ANKFN1: variants seen among roughly 807,000 people sequenced by gnomAD.
The protein encoded by ANKFN1 is ankyrin repeat and fibronectin type III domain containing 1, also known as ankyrin repeat and fibronectin type-III domain-containing protein 1.
Under a neutral mutation model 108.7 loss-of-function variants are expected in ANKFN1, and 74 were observed. The ratio of observed to expected loss-of-function variants is 0.68; its 90% CI spans 0.56 to 0.83. The LOEUF is 0.83. Ranked by LOEUF, ANKFN1 falls within the 40% of genes least tolerant of loss-of-function variation. The probability of loss-of-function intolerance (pLI) is 0.00; values close to 1 mark genes in which losing one functional copy is unlikely to be tolerated. For synonymous variants in ANKFN1, 547 were observed against 516.2 expected (o/e 1.06, Z -0.81); for missense variants, 1,505 against 1,382.3 (o/e 1.09, Z -1.41).
rs187795653 is a variant in ANKFN1, at chr17:56,311,246, A to G, written c.54-14975A>G. On this transcript the variant is annotated intron_variant, in intron 3 of 20. Transcript: ENST00000682825. Reference sequence around the variant, plus strand: ...GTGAAGGTGATTCTTTTTATAAAGTATTGGCTCTGCCACCTACTAGCCATG... The same window carrying G: ...GTGAAGGTGATTCTTTTTATAAAGTGTTGGCTCTGCCACCTACTAGCCATG... 2.6e-4 allele frequency among the ~76,000 whole-genome samples: 40 copies of G among 152,194 alleles called. No homozygotes were observed. In the East Asian group the frequency reaches 7.0e-3, roughly 26 times the overall value.
intron 1 of ANKFN1, among the ~76,000 whole-genome samples, chr17:56,167,367 G>A (rs1910254079): frequency 6.9e-6 from 1 of 145,156 alleles, no homozygotes; most frequent in South Asian, 2.2e-4. Context: ...TGGCTCAAAT[G>A]TTGAAAATGT....
intron 8 of ANKFN1, among the ~76,000 whole-genome samples, chr17:56,384,920 A>G (rs1224417906): frequency 6.6e-6 from 1 of 151,760 alleles, no homozygotes; most frequent in Non-Finnish European, 1.5e-5. Context: ...ATTCAATGCC[A>G]TCCCCATCAA....
intron 3 of ANKFN1, among the ~76,000 whole-genome samples, chr17:56,285,801 T>C (rs2144272721): frequency 6.6e-6 from 1 of 151,934 alleles, no homozygotes; most frequent in South Asian, 2.1e-4. Flanking sequence ...TCTTCCTTGA[T>C]TTCCCCCTCC....
At chr17:56,475,208 C>T (rs2050459193) in intron 15 of ANKFN1, among the ~76,000 whole-genome samples, 1 of 152,174 alleles carries the variant, frequency 6.6e-6, no homozygotes, top group South Asian at 2.1e-4. Context: ...TATAAGTACT[C>T]CTTCTGCTGT....
In ANKFN1 at chr17:56,392,972, T is replaced by G. The variant is rs191353291; in HGVS notation, c.910+18258T>G. On this transcript the variant is annotated intron_variant, in intron 8 of 20. Transcript: ENST00000682825. ...TCCGAGAGCACCCAGGAAGTCTGAA[T>G]AGCAGCTCTTCTAATATTTGAAAAT... 1.2e-4 allele frequency among the ~76,000 whole-genome samples: 19 copies of G among 152,342 alleles called. No individual in the cohort carries two copies. The East Asian group carries it at 1.7e-3, about 14-fold the overall frequency.
At chr17:56,236,616 C>T (rs1286422566) in intron 3 of ANKFN1, among the ~76,000 whole-genome samples, 2 of 152,074 alleles carry the variant, frequency 1.3e-5, no homozygotes, top group African/African-American at 2.4e-5. Context: ...TTTCTAGATA[C>T]GGAATCAGGT....
At chr17:56,482,816 C>T (rs536125265) in intron 18 of ANKFN1, among the ~76,000 whole-genome samples, 8 of 152,204 alleles carry the variant, frequency 5.3e-5, no homozygotes, top group Admixed American at 3.9e-4. Context: ...TTTCTTAAAA[C>T]GTAAATATAA....
At chr17:56,240,581 C>T (rs1917507157) in intron 3 of ANKFN1, among the ~76,000 whole-genome samples, 1 of 152,092 alleles carries the variant, frequency 6.6e-6, no homozygotes, top group African/African-American at 2.4e-5. Context: ...AGGTATATAT[C>T]TCATTAATAT....
intron 1 of ANKFN1, among the ~76,000 whole-genome samples, chr17:56,198,462 T>C (rs560842923): frequency 6.6e-6 from 1 of 152,214 alleles, no homozygotes; most frequent in Admixed American, 6.5e-5. Flanking sequence ...TATAAATAGA[T>C]GAAGCTTTGC....
In ANKFN1 at chr17:56,055,566, C is replaced by CATACATATAT. The variant is rs1555588763; in HGVS notation, c.288+9244_288+9245insCATATATATA. Among the ~76,000 whole-genome samples, 8 of 47,460 alleles carry CATACATATAT rather than the reference C, an allele frequency of 1.7e-4. 1 individual carries two copies. In the East Asian group the frequency reaches 1.9e-3, roughly 11 times the overall value. The allele number at this position is 47,460 out of a possible 152,430, so 31.1% of individuals were successfully genotyped here. A position where few individuals can be genotyped will look rare whatever the true frequency, so the allele number is the denominator to read the frequency against. On this transcript the variant is annotated intron_variant, in intron 4 of 12. Transcript: ENST00000635860. ...TATATGTGTGTGTGTGGTATATATA[C>CATACATATAT]ATATATATATATATATATATATGTA... is the stretch of plus-strand genomic sequence containing the variant.
In ANKFN1 at chr17:56,193,521, G is replaced by A. The variant is rs1358163602; in HGVS notation, c.-70-19077G>A. 5.6e-5 allele frequency among the ~76,000 whole-genome samples: 8 copies of A among 141,868 alleles called. No individual in the cohort carries two copies. The South Asian group carries it at 6.7e-4, about 12-fold the overall frequency. The allele number at this position is 141,868 out of a possible 152,430, so 93.1% of individuals were successfully genotyped here. ...TAAAAGTGCATAATTTATTTGTAGC[G>A]TTTTAAAAAAAAATACAGCTAGTAT... On this transcript the variant is annotated intron_variant, in intron 1 of 20. Coordinates refer to ENST00000682825, the MANE Select transcript of ANKFN1 (RefSeq NM_001370326.1).
Position 56,113,011 on chromosome 17 carries a change from A to G in ANKFN1, c.288+66686A>G, listed in dbSNP as rs528100885. On this transcript the variant is annotated intron_variant, in intron 4 of 12. Coordinates refer to the ANKFN1 transcript ENST00000635860. ...GAATTTCCCAAAGAGCAATTAACTG[A>G]GCTAAATCGTATATGCAACTTAAAC... Among the ~76,000 whole-genome samples the G allele has an allele frequency of 6.6e-5, 10 of 152,348 alleles. No individual in the cohort carries two copies. The East Asian group carries it at 1.9e-3, about 29-fold the overall frequency.
intron 3 of ANKFN1, among the ~76,000 whole-genome samples, chr17:56,279,801 T>C (rs2044024500): frequency 6.6e-6 from 1 of 152,156 alleles, no homozygotes; most frequent in Non-Finnish European, 1.5e-5. Context: ...TGAATCTGTT[T>C]GTAAGTTTTG....
intron 8 of ANKFN1, among the ~76,000 whole-genome samples, chr17:56,403,916 T>C (rs975958963): frequency 6.6e-6 from 1 of 152,118 alleles, no homozygotes; most frequent in African/African-American, 2.4e-5. Context: ...CTTTCCTTCA[T>C]ATATGATGCT....
chr17:56,188,099 A>G (rs1251435425), intron 1 of ANKFN1, among the ~76,000 whole-genome samples: 1 of 152,132 alleles, frequency 6.6e-6, no homozygotes, highest in African/African-American at 2.4e-5. Context: ...ATAAATAAAT[A>G]AATAAATAAA....
chr17:56,205,022 GC>G (rs1914412216), intron 1 of ANKFN1, among the ~76,000 whole-genome samples: 1 of 152,190 alleles, frequency 6.6e-6, no homozygotes, highest in Non-Finnish European at 1.5e-5. Context: ...CTAGCAGTGA[GC>G]CAAGACTGCA....
At chr17:56,287,810 T>C (rs1250502693) in intron 3 of ANKFN1, among the ~76,000 whole-genome samples, 1 of 152,186 alleles carries the variant, frequency 6.6e-6, no homozygotes, top group African/African-American at 2.4e-5. Context: ...AGGCCAATAT[T>C]AAATCTCCAG....
intron 14 of ANKFN1, among the ~76,000 whole-genome samples, chr17:56,461,431 C>T (rs924152130): frequency 1.7e-4 from 26 of 152,240 alleles, no homozygotes; most frequent in Non-Finnish European, 7.4e-5. Context: ...CACACTGTTC[C>T]GATTTTCTTC....
intron 4 of ANKFN1, among the ~76,000 whole-genome samples, chr17:56,144,051 CTTATCACA>C (rs1321183446): frequency 2.7e-5 from 4 of 149,632 alleles, no homozygotes; most frequent in African/African-American, 7.4e-5. Flanking sequence ...GATTTTTATC[CTTATCACA>C]AGAGCTGTGT....
Sources: allele counts gnomAD v4.1 joint callset (sites outside exome capture counted in the v4.1 genomes callset), GRCh38; gene constraint gnomAD v4.1.1; transcripts MANE v1.5; gene names NCBI Gene and HGNC (gene_info 2026-07-23, HGNC 2026-07-21).